The following KCND2 variants were observed in gnomAD, a reference collection of about 807,000 sequenced individuals.
KCND2 encodes potassium voltage-gated channel subfamily D member 2.
A neutral mutation model predicts 54.4 loss-of-function variants in KCND2; 16 were observed. That is an observed-to-expected ratio of 0.29 (90% confidence interval 0.20 to 0.45). The LOEUF (loss-of-function observed/expected upper bound fraction) is 0.45, where lower values mean the gene tolerates loss of function less well. Ranked by LOEUF, KCND2 falls within the 20% of genes least tolerant of loss-of-function variation. The pLI, the probability that KCND2 is intolerant of heterozygous loss-of-function variation, is 1.00. For missense variants in KCND2, 486 were observed against 824.2 expected (o/e 0.59, Z 5.02); for synonymous variants, 317 against 310.7 (o/e 1.02, Z -0.21).
At chr7:120,478,354 A>G (rs925336598) in intron 1 of KCND2, among the ~76,000 whole-genome samples, 9 of 152,156 alleles carry the variant, frequency 5.9e-5, no homozygotes, top group African/African-American at 1.4e-4. Context: ...TTGACTTTAT[A>G]TCACCCATAA....
intron 1 of KCND2, among the ~76,000 whole-genome samples, chr7:120,352,871 A>G (rs1206201746): frequency 1.3e-5 from 2 of 152,278 alleles, no homozygotes; most frequent in African/African-American, 4.8e-5. Context: ...AACATCACCT[A>G]TATTTCAGAT....
intron 1 of KCND2, among the ~76,000 whole-genome samples, chr7:120,656,751 T>C (rs865913051): frequency 6.6e-6 from 1 of 152,238 alleles, no homozygotes; most frequent in African/African-American, 2.4e-5. Flanking sequence ...GGAATGTTTT[T>C]CACTTTTCCT....
chr7:120,422,160 T>G (rs1337685968), intron 1 of KCND2, among the ~76,000 whole-genome samples: 1 of 152,230 alleles, frequency 6.6e-6, no homozygotes, highest in East Asian at 1.9e-4. Context: ...TGCCAAAATC[T>G]GTACCTGCTT....
chr7:120,381,205 A>G (rs1325603417), intron 1 of KCND2, among the ~76,000 whole-genome samples: 2 of 152,100 alleles, frequency 1.3e-5, no homozygotes, highest in African/African-American at 4.8e-5. Flanking sequence ...CAGTGAGCTG[A>G]TATCACGCCA....
At chr7:120,491,299 G>T (rs1802775525) in intron 1 of KCND2, among the ~76,000 whole-genome samples, 1 of 152,062 alleles carries the variant, frequency 6.6e-6, no homozygotes, top group Non-Finnish European at 1.5e-5. Context: ...AATTAATTTT[G>T]TGACTAGTAG....
intron 1 of KCND2, among the ~76,000 whole-genome samples, chr7:120,686,338 G>A (rs1387377647): frequency 6.6e-6 from 1 of 152,072 alleles, no homozygotes; most frequent in Non-Finnish European, 1.5e-5. Context: ...CCTCCATAAT[G>A]TTTTCCATAG....
chr7:120,482,745 AG>A (rs1462888117), intron 1 of KCND2, among the ~76,000 whole-genome samples: 3 of 152,132 alleles, frequency 2.0e-5, no homozygotes, highest in Admixed American at 6.5e-5. Flanking sequence ...CATAACTGTG[AG>A]CCTAATAAGT....
At chr7:120,354,877 C>T (rs1402033560) in intron 1 of KCND2, among the ~76,000 whole-genome samples, 3 of 152,174 alleles carry the variant, frequency 2.0e-5, no homozygotes, top group African/African-American at 7.2e-5. Context: ...ATATGAGATA[C>T]ATTATATAAA....
At chr7:120,575,375 G>A (rs1194270342) in intron 1 of KCND2, among the ~76,000 whole-genome samples, 1 of 152,160 alleles carries the variant, frequency 6.6e-6, no homozygotes, top group African/African-American at 2.4e-5. Context: ...CATCCAGCAC[G>A]GGAGAAAGAT....
At chr7:120,464,026 T>G (rs1222185253) in intron 1 of KCND2, 1 of 984,070 alleles carries the variant, frequency 1.0e-6, no homozygotes, top group Non-Finnish European at 1.2e-6. Flanking sequence ...TGTTTTTTTT[T>G]TTTTTTCTTG....
chr7:120,439,812 C>T (rs1286015673), intron 1 of KCND2, among the ~76,000 whole-genome samples: 2 of 151,988 alleles, frequency 1.3e-5, no homozygotes, highest in Non-Finnish European at 2.9e-5. Context: ...GCAGGCTCAT[C>T]CCTGTTGCTG....
chr7:120,380,400 A>T (rs1584754571), intron 1 of KCND2, among the ~76,000 whole-genome samples: 1 of 151,934 alleles, frequency 6.6e-6, no homozygotes, highest in East Asian at 1.9e-4. Context: ...TAGGTCAGAG[A>T]GTGTGTAGGT....
intron 1 of KCND2, among the ~76,000 whole-genome samples, chr7:120,388,604 A>C (rs1239779347): frequency 6.6e-6 from 1 of 151,946 alleles, no homozygotes; most frequent in African/African-American, 2.4e-5. Flanking sequence ...GGAAAACTTT[A>C]AATCCATGGG....
intron 1 of KCND2, among the ~76,000 whole-genome samples, chr7:120,431,702 G>A (rs1801790292): frequency 1.3e-5 from 2 of 152,100 alleles, no homozygotes; most frequent in African/African-American, 4.8e-5. Flanking sequence ...CCATGAATTA[G>A]CAGGACTTGT....
intron 1 of KCND2, among the ~76,000 whole-genome samples, chr7:120,445,017 T>A (rs903472770): frequency 6.6e-6 from 1 of 152,284 alleles, no homozygotes; most frequent in African/African-American, 2.4e-5. Context: ...AATGTCAGGC[T>A]GAAAGACTAG....
At chr7:120,292,980 G>A (rs917219408) in intron 1 of KCND2, among the ~76,000 whole-genome samples, 1 of 151,858 alleles carries the variant, frequency 6.6e-6, no homozygotes, top group Non-Finnish European at 1.5e-5. Context: ...CTGTATCTCT[G>A]AGTAGATTCT....
intron 1 of KCND2, among the ~76,000 whole-genome samples, chr7:120,721,782 A>G (rs1792669677): frequency 6.6e-6 from 1 of 152,264 alleles, no homozygotes; most frequent in African/African-American, 2.4e-5. Flanking sequence ...AAACAAGGTG[A>G]TATGGTTTGG....
intron 1 of KCND2, among the ~76,000 whole-genome samples, chr7:120,709,581 G>A (rs1256291066): frequency 1.3e-5 from 2 of 152,144 alleles, no homozygotes; most frequent in African/African-American, 4.8e-5. Context: ...CCTCTATGTC[G>A]TCATTTCAGC....
chr7:120,647,574 A>G (rs1035592210), intron 1 of KCND2, among the ~76,000 whole-genome samples: 2 of 152,186 alleles, frequency 1.3e-5, no homozygotes, highest in Non-Finnish European at 2.9e-5. Flanking sequence ...GTTTCTAGTC[A>G]GGTTGATACA....
Sources: allele counts gnomAD v4.1 joint callset (sites outside exome capture counted in the v4.1 genomes callset), GRCh38; gene constraint gnomAD v4.1.1; transcripts MANE v1.5; gene names NCBI Gene and HGNC (gene_info 2026-07-23, HGNC 2026-07-21).